The following ANTXR2 variants were observed in gnomAD, a reference collection of about 807,000 sequenced individuals.
ANTXR2 encodes ANTXR cell adhesion molecule 2.
ANTXR2 carries 44 observed loss-of-function variants against 73.7 expected under a neutral mutation model. The ratio of observed to expected loss-of-function variants is 0.60; its 90% CI spans 0.47 to 0.77. The LOEUF (loss-of-function observed/expected upper bound fraction) is 0.77. ANTXR2 is among the 30% of genes least tolerant of loss of function. The pLI is 0.00. For missense variants in ANTXR2, 604 were observed against 592.5 expected (o/e 1.02, Z -0.20); for synonymous variants, 217 against 205.9 (o/e 1.05, Z -0.46).
At chr4:80,059,200 A>T in intron 3 of ANTXR2, among the ~76,000 whole-genome samples, 1 of 151,940 alleles carries the variant, frequency 6.6e-6, no homozygotes. Flanking sequence ...TTTGAAAGAG[A>T]CAGGAATTGA....
intron 16 of ANTXR2, among the ~76,000 whole-genome samples, chr4:79,907,786 C>T (rs1243570165): frequency 6.6e-6 from 1 of 152,234 alleles, no homozygotes; most frequent in Non-Finnish European, 1.5e-5. Flanking sequence ...ACCCAATATA[C>T]TTCTTTATGT....
intron 7 of ANTXR2, among the ~76,000 whole-genome samples, chr4:80,045,579 G>GT (rs137994910): frequency 0.11 from 15,339 of 142,194 alleles, 1,747 homozygotes; most frequent in East Asian, 0.64. Flanking sequence ...AAAAAGCAAG[G>GT]TTTTTTTTTT....
At chr4:80,058,110 T>G (rs2110111295) in intron 3 of ANTXR2, among the ~76,000 whole-genome samples, 1 of 152,136 alleles carries the variant, frequency 6.6e-6, no homozygotes, top group South Asian at 2.1e-4. Context: ...AAATGCAAGT[T>G]TACACAAACA....
In ANTXR2 at chr4:79,902,452, T is replaced by C. The variant is rs1170758686; in HGVS notation, c.*4977A>G. 1 of 152,182 alleles carries C rather than the reference T, an allele frequency of 6.6e-6. No individual in the cohort carries two copies. The highest frequency in any genetic ancestry group is 6.6e-5 in the Admixed American group (1 of 15,264). 9.4% of individuals were successfully genotyped at this position (152,182 alleles called of 1,614,324 possible). On this transcript the variant is annotated 3_prime_UTR_variant, in exon 17 of 17. Transcript: ENST00000403729. ...AAAAAAAGAGGAGTTTAGTAATTTTTCTTTCTGTGGTATACAAAGTATCCC... is the reference window on the plus strand; with the variant it reads ...AAAAAAAGAGGAGTTTAGTAATTTTCCTTTCTGTGGTATACAAAGTATCCC...
At chr4:80,065,695 C>T (rs1734464446) in intron 3 of ANTXR2, among the ~76,000 whole-genome samples, 1 of 152,200 alleles carries the variant, frequency 6.6e-6, no homozygotes, top group African/African-American at 2.4e-5. Flanking sequence ...TAACAGAAGA[C>T]ACAGCCCTAC....
intron 15 of ANTXR2, 92 bp downstream of exon 15, chr4:79,977,915 C>A: frequency 7.1e-7 from 1 of 1,406,570 alleles, no homozygotes; most frequent in East Asian, 2.3e-5. Context: ...TTTCATCTAC[C>A]CTCTTTCAAG....
At chr4:79,948,614 C>A (rs979278575) in intron 16 of ANTXR2, among the ~76,000 whole-genome samples, 3 of 152,006 alleles carry the variant, frequency 2.0e-5, no homozygotes, top group African/African-American at 4.8e-5. Context: ...ATTTCTAAAC[C>A]CATTCAATAA....
At chr4:80,051,354 T>C (rs755471213) in intron 7 of ANTXR2, among the ~76,000 whole-genome samples, 2 of 151,886 alleles carry the variant, frequency 1.3e-5, no homozygotes, top group Non-Finnish European at 2.9e-5. Context: ...TTAGAGAGAA[T>C]ATGTCTTATT....
chr4:80,018,875 TC>T (rs1230071585), intron 11 of ANTXR2, 22 bp downstream of exon 11: 1 of 1,478,430 alleles, frequency 6.8e-7, no homozygotes, highest in Non-Finnish European at 9.1e-7. Context: ...TAAAAGATAA[TC>T]TTTGTGCAAA....
At chr4:80,025,341 A>G (rs1335431134) in intron 10 of ANTXR2, among the ~76,000 whole-genome samples, 2 of 152,224 alleles carry the variant, frequency 1.3e-5, no homozygotes, top group Non-Finnish European at 1.5e-5. Flanking sequence ...GATCTAAGAA[A>G]TGTTATACTC....
chr4:79,907,613 T>C (rs1726969194), intron 16 of ANTXR2, 146 bp from the exon 17 acceptor site: 3 of 833,910 alleles, frequency 3.6e-6, no homozygotes, highest in Admixed American at 2.7e-5. Context: ...AATTTTTTTT[T>C]CTTGGGTTAA....
At chr4:80,033,236 T>C (rs1445936069) in intron 9 of ANTXR2, among the ~76,000 whole-genome samples, 2 of 152,000 alleles carry the variant, frequency 1.3e-5, no homozygotes, top group Non-Finnish European at 2.9e-5. Flanking sequence ...CATCATCTGT[T>C]CAATGAGGGA....
At chr4:79,908,665 TTA>T (rs1727011913) in intron 16 of ANTXR2, among the ~76,000 whole-genome samples, 1 of 152,216 alleles carries the variant, frequency 6.6e-6, no homozygotes, top group East Asian at 1.9e-4. Context: ...CCAATTTTTA[TTA>T]CTTACTTTGT....
At position 80,010,740 on chromosome 4, in the gene ANTXR2, C is replaced by A. The variant is rs576539427; in HGVS notation, c.946-2124G>T. 7.9e-5 allele frequency among the ~76,000 whole-genome samples: 12 copies of A among 152,064 alleles called. No homozygotes were observed. In the South Asian group the frequency reaches 2.5e-3, roughly 32 times the overall value. On this transcript the variant is annotated intron_variant, in intron 11 of 16. Transcript: ENST00000403729. ...GATACTCAAAATTTTTTATTTTTCC[C>A]TTAAAAAAAGCCTCCATTAGTAGCA... is the stretch of plus-strand genomic sequence containing the variant.
At chr4:80,016,554 A>G (rs1731881843) in intron 11 of ANTXR2, among the ~76,000 whole-genome samples, 1 of 152,230 alleles carries the variant, frequency 6.6e-6, no homozygotes, top group South Asian at 2.1e-4. Context: ...GTCAACAACT[A>G]ACAGCTCCAA....
intron 3 of ANTXR2, among the ~76,000 whole-genome samples, chr4:80,058,245 T>C (rs1734091497): frequency 6.6e-6 from 1 of 152,074 alleles, no homozygotes; most frequent in Non-Finnish European, 1.5e-5. Context: ...TCAAGGTTTT[T>C]TTTTGTACAG....
chr4:79,983,301 T>C (rs956611807), intron 14 of ANTXR2, among the ~76,000 whole-genome samples: 99 of 152,108 alleles, frequency 6.5e-4, no homozygotes, highest in African/African-American at 2.3e-3. Context: ...TAAAATCTTA[T>C]TTGACTTTTA....
At chr4:79,963,835 A>AT (rs1729242843) in intron 16 of ANTXR2, among the ~76,000 whole-genome samples, 1 of 152,144 alleles carries the variant, frequency 6.6e-6, no homozygotes, top group African/African-American at 2.4e-5. Context: ...ACATTCTTGA[A>AT]TTTTTTGTTT....
At chr4:80,027,883 G>T (rs1365936999) in intron 10 of ANTXR2, among the ~76,000 whole-genome samples, 1 of 152,096 alleles carries the variant, frequency 6.6e-6, no homozygotes, top group Non-Finnish European at 1.5e-5. Flanking sequence ...ACATTAAACT[G>T]TGAGGCTAGT....
Sources: allele counts gnomAD v4.1 joint callset (sites outside exome capture counted in the v4.1 genomes callset), GRCh38; gene constraint gnomAD v4.1.1; transcripts MANE v1.5; gene names NCBI Gene and HGNC (gene_info 2026-07-23, HGNC 2026-07-21).